The following HSF2BP variants were observed in gnomAD, a reference collection of about 807,000 sequenced individuals.
HSF2BP encodes the protein heat shock transcription factor 2 binding protein, also known as heat shock factor 2-binding protein.
Under a neutral mutation model 35.0 loss-of-function variants are expected in HSF2BP, and 35 were observed. That is an observed-to-expected ratio of 1.00 (90% CI 0.76 to 1.32). HSF2BP has a LOEUF of 1.32. Among genes scored for constraint, HSF2BP ranks in the 40% most tolerant of loss-of-function variants. The probability of loss-of-function intolerance (pLI) is 0.00; values close to 1 mark genes in which losing one functional copy is unlikely to be tolerated. For synonymous variants in HSF2BP, 114 were observed against 117.4 expected (o/e 0.97, Z 0.18); for missense variants, 326 against 321.7 (o/e 1.01, Z -0.10).
At chr21:43,630,940 T>C (rs2082448399) in intron 5 of HSF2BP, among the ~76,000 whole-genome samples, 1 of 152,198 alleles carries the variant, frequency 6.6e-6, no homozygotes. Context: ...TTACTTCCTT[T>C]GGGGTGCTAG....
chr21:43,615,202 C>T (rs1176332796), intron 6 of HSF2BP, among the ~76,000 whole-genome samples: 1 of 152,146 alleles, frequency 6.6e-6, no homozygotes, highest in Non-Finnish European at 1.5e-5. Flanking sequence ...ATGACGAGAC[C>T]AAGGTGGAAA....
At chr21:43,612,228 A>G (rs191466911) in intron 7 of HSF2BP, among the ~76,000 whole-genome samples, 169 of 152,350 alleles carry the variant, frequency 1.1e-3, no homozygotes, top group Non-Finnish European at 1.8e-3. Flanking sequence ...GATAAATCCA[A>G]AATTACTTGG....
intron 7 of HSF2BP, chr21:43,609,834 G>A (rs1007162328): frequency 1.3e-5 from 2 of 152,248 alleles, no homozygotes; most frequent in African/African-American, 4.8e-5. Flanking sequence ...GTAAACACGC[G>A]GCTTTGCTCA....
intron 4 of HSF2BP, among the ~76,000 whole-genome samples, chr21:43,636,505 T>C (rs2082560964): frequency 6.6e-6 from 1 of 152,012 alleles, no homozygotes; most frequent in African/African-American, 2.4e-5. Context: ...TAATCACATA[T>C]CTAAAAAAGG....
chr21:43,647,388 G>A (rs1043337827), intron 3 of HSF2BP, among the ~76,000 whole-genome samples: 2 of 152,062 alleles, frequency 1.3e-5, no homozygotes, highest in South Asian at 2.1e-4. Flanking sequence ...CACCAACCAC[G>A]CCTGGCTAAT....
At chr21:43,627,784 T>C (rs764570274) in intron 6 of HSF2BP, among the ~76,000 whole-genome samples, 7 of 152,230 alleles carry the variant, frequency 4.6e-5, no homozygotes, top group Non-Finnish European at 2.9e-5. Flanking sequence ...ATTGAAGGAA[T>C]GTGGCAACCC....
chr21:43,620,723 T>TCATCATCAC (rs1033298658), intron 6 of HSF2BP, among the ~76,000 whole-genome samples: 22 of 152,000 alleles, frequency 1.4e-4, no homozygotes, highest in African/African-American at 4.1e-4. Flanking sequence ...ATCATCATCA[T>TCATCATCAC]CATCATCACC....
intron 6 of HSF2BP, among the ~76,000 whole-genome samples, chr21:43,628,168 A>G (rs1240256873): frequency 6.6e-6 from 1 of 152,226 alleles, no homozygotes; most frequent in African/African-American, 2.4e-5. Context: ...GAAAAGATAC[A>G]TATCTGAAAG....
chr21:43,616,052 A>AAATAT (rs57115434), intron 6 of HSF2BP, among the ~76,000 whole-genome samples: 66 of 144,008 alleles, frequency 4.6e-4, no homozygotes, highest in Middle Eastern at 3.5e-3. Context: ...AAAAAAAAAA[A>AAATAT]ATATATATAT....
At chr21:43,590,969 T>C (rs1454701570) in intron 8 of HSF2BP, among the ~76,000 whole-genome samples, 1 of 152,166 alleles carries the variant, frequency 6.6e-6, no homozygotes, top group Non-Finnish European at 1.5e-5. Flanking sequence ...TACTTATCAA[T>C]TGTTCACTTT....
intron 3 of HSF2BP, among the ~76,000 whole-genome samples, chr21:43,653,210 GGGAAGGGGAAGGGA>G: frequency 7.5e-6 from 1 of 134,108 alleles, no homozygotes; most frequent in Admixed American, 7.5e-5. Context: ...GGGAAGGGAA[GGGAAGGGGAAGGGA>G]AGGGAAGGGG....
At chr21:43,582,563 ACCTGCTGAGGGAGATGAAGG>A (rs2081770791) in intron 8 of HSF2BP, among the ~76,000 whole-genome samples, 1 of 43,402 alleles carries the variant, frequency 2.3e-5, no homozygotes, top group Non-Finnish European at 4.1e-5. Flanking sequence ...GGAGATGAGG[ACCTGCTGAGGGAGATGAAGG>A]CCTGCTGAAG....
intron 6 of HSF2BP, among the ~76,000 whole-genome samples, chr21:43,626,883 T>A (rs933603117): frequency 8.5e-5 from 12 of 140,374 alleles, no homozygotes; most frequent in African/African-American, 3.1e-4. Flanking sequence ...TTTTTTTTTT[T>A]AAGAGACGGA....
At chr21:43,601,859 A>C (rs1483770519) in intron 7 of HSF2BP, among the ~76,000 whole-genome samples, 1 of 152,198 alleles carries the variant, frequency 6.6e-6, no homozygotes, top group Non-Finnish European at 1.5e-5. Context: ...ATTGTAATGC[A>C]ATGTCTTAAA....
In HSF2BP at chr21:43,656,590, T is replaced by C; in HGVS notation, c.184A>G (p.Lys62Glu). Residue 62 changes from lysine to glutamate, a missense_variant, in exon 3 of 9, where the codon AAA becomes GAA. By Grantham distance (56) the Lys-to-Glu change is moderately conservative (BLOSUM62 1). Coordinates refer to ENST00000291560, the MANE Select transcript of HSF2BP (RefSeq NM_007031.2). ...ESFQKLKIVE[K>E]NLERKEQELE... is the part of the protein sequence containing the mutation. Reference sequence around the variant, plus strand: ...ACTGCTGAAAATGAAGACTCACTTTTTTCTACAATCTTTAATTTCTGGAAG... The same window carrying C: ...ACTGCTGAAAATGAAGACTCACTTTCTTCTACAATCTTTAATTTCTGGAAG... The C allele has an allele frequency of 1.2e-6, 2 of 1,606,848 alleles. No individual in the cohort carries two copies. The highest frequency in any genetic ancestry group is 1.7e-6 in the Non-Finnish European group (2 of 1,178,268).
intron 3 of HSF2BP, among the ~76,000 whole-genome samples, chr21:43,653,124 C>G (rs1453882128): frequency 6.8e-6 from 1 of 147,566 alleles, no homozygotes; most frequent in Non-Finnish European, 1.5e-5. Flanking sequence ...GCCTGGGCAA[C>G]AGAGTGAGAC....
Position 43,604,358 on chromosome 21 carries a change from ACAC to A in HSF2BP, c.692+9469_692+9471del, listed in dbSNP as rs374145077. 4.8e-4 allele frequency among the ~76,000 whole-genome samples: 66 copies of A among 138,790 alleles called. 1 individual carries two copies. Among genetic ancestry groups the A allele is most frequent in the African/African-American group, 1.7e-3 (62 of 35,804 alleles). 91.1% of individuals were successfully genotyped at this position (138,790 alleles called of 152,430 possible). ...CACACATCACGCACACACCACACAC[ACAC>A]CACACAGCACGCACACCACACACAC... On this transcript the variant is annotated intron_variant, in intron 7 of 8. Transcript: ENST00000291560.
At chr21:43,630,973 AC>A (rs1239137978) in intron 5 of HSF2BP, among the ~76,000 whole-genome samples, 1 of 152,224 alleles carries the variant, frequency 6.6e-6, no homozygotes, top group Non-Finnish European at 1.5e-5. Context: ...GAATTTTAAA[AC>A]CAATGTACAT....
intron 6 of HSF2BP, among the ~76,000 whole-genome samples, chr21:43,628,775 T>A (rs2082419474): frequency 6.6e-6 from 1 of 152,240 alleles, no homozygotes; most frequent in Non-Finnish European, 1.5e-5. Flanking sequence ...GCTGACTCTC[T>A]TGTTAGGGGC....
Sources: allele counts gnomAD v4.1 joint callset (sites outside exome capture counted in the v4.1 genomes callset), GRCh38; gene constraint gnomAD v4.1.1; transcripts MANE v1.5; gene names NCBI Gene and HGNC (gene_info 2026-07-23, HGNC 2026-07-21).